The following LRTM3 variants were observed in gnomAD, a reference collection of about 807,000 sequenced individuals.
LRTM3 encodes leucine-rich repeat transmembrane protein 3.
At chr13:102,745,426 A>G in the LRTM3 span, 1 of 1,550,888 alleles carries the variant, frequency 6.4e-7, no homozygotes. Context: ...TCAGGAAAGC[A>G]TATGTTTCAT....
chr13:102,738,105 G>T, the LRTM3 span: 3 of 1,550,624 alleles, frequency 1.9e-6, no homozygotes, highest in Non-Finnish European at 2.6e-6. Flanking sequence ...TGAGCTTCTT[G>T]ATCCATTTTC....
At chr13:102,737,706 C>T in the LRTM3 span, 2 of 1,550,594 alleles carry the variant, frequency 1.3e-6, no homozygotes, top group Non-Finnish European at 1.7e-6. Flanking sequence ...TAATCTTTTG[C>T]TTTTTGTACT....
At chr13:102,733,921 A>G in the LRTM3 span, 40 of 1,551,100 alleles carry the variant, frequency 2.6e-5, no homozygotes, top group Non-Finnish European at 3.4e-5. Flanking sequence ...TTTTCTGGGT[A>G]TTTGAGGGTA....
At chr13:102,745,619 A>C in the LRTM3 span, 2 of 1,550,954 alleles carry the variant, frequency 1.3e-6, no homozygotes, top group Non-Finnish European at 1.7e-6. Flanking sequence ...AAATTGTTTT[A>C]AGTTTCTCGT....
the LRTM3 span, chr13:102,746,223 TTTCC>T: frequency 6.4e-7 from 1 of 1,550,626 alleles, no homozygotes; most frequent in Non-Finnish European, 8.7e-7. Flanking sequence ...TCAAGATGGA[TTTCC>T]TTCATTTGAC....
chr13:102,735,181 C>A, the LRTM3 span: 7 of 1,551,290 alleles, frequency 4.5e-6, no homozygotes, highest in Non-Finnish European at 6.1e-6. Context: ...TGAAACTGTG[C>A]GTATGTAAGA....
the LRTM3 span, among the ~76,000 whole-genome samples, chr13:102,753,400 G>A: frequency 4.4e-3 from 663 of 151,560 alleles, 5 homozygotes; most frequent in South Asian, 0.025. Context: ...CCTAGATGAC[G>A]GGTTGATAGG....
the LRTM3 span, chr13:102,741,979 G>C: frequency 1.3e-6 from 2 of 1,550,438 alleles, no homozygotes; most frequent in African/African-American, 2.7e-5. Flanking sequence ...TTCTAAGAAT[G>C]CTGGACATAT....
chr13:102,744,739 T>A, the LRTM3 span: 4 of 1,550,668 alleles, frequency 2.6e-6, no homozygotes, highest in Non-Finnish European at 3.5e-6. Flanking sequence ...TATTTTTATC[T>A]TCCCTTTCAT....
the LRTM3 span, chr13:102,746,651 A>G: frequency 3.9e-6 from 6 of 1,551,164 alleles, no homozygotes; most frequent in East Asian, 1.2e-4. Context: ...TCTCTTTTTC[A>G]TCACTTTAGA....
the LRTM3 span, chr13:102,747,644 A>G: frequency 1.9e-6 from 3 of 1,550,986 alleles, no homozygotes; most frequent in East Asian, 2.4e-5. Context: ...TGTTGTTTCA[A>G]TTAAAAGTTC....
At chr13:102,755,007 C>T in the LRTM3 span, among the ~76,000 whole-genome samples, 1 of 152,202 alleles carries the variant, frequency 6.6e-6, no homozygotes, top group Non-Finnish European at 1.5e-5. Context: ...CTCACTCAAG[C>T]ATGCATCTAT....
chr13:102,750,292 T>C, the LRTM3 span: 6 of 1,548,712 alleles, frequency 3.9e-6, no homozygotes, highest in Non-Finnish European at 5.2e-6. Flanking sequence ...CTGACCATAG[T>C]ATTTCACGTG....
At chr13:102,741,263 T>C in the LRTM3 span, 1 of 1,550,368 alleles carries the variant, frequency 6.5e-7, no homozygotes, top group Non-Finnish European at 8.7e-7. Context: ...ATTGAAACTT[T>C]CAGAGATGGT....
the LRTM3 span, chr13:102,740,569 A>G: frequency 3.9e-6 from 6 of 1,549,088 alleles, no homozygotes; most frequent in South Asian, 1.2e-5. Context: ...TACTGTTTTG[A>G]GTATATCCAA....
chr13:102,739,624 T>C, the LRTM3 span: 1 of 1,550,482 alleles, frequency 6.4e-7, no homozygotes, highest in Non-Finnish European at 8.7e-7. Flanking sequence ...TTATACTGAG[T>C]ATATGTGACA....
chr13:102,736,396 A>T, the LRTM3 span: 1 of 1,551,054 alleles, frequency 6.4e-7, no homozygotes, highest in Non-Finnish European at 8.7e-7. Context: ...GCATCAGGCC[A>T]TGCATGGATA....
the LRTM3 span, among the ~76,000 whole-genome samples, chr13:102,756,302 C>T: frequency 2.7e-5 from 3 of 112,938 alleles, no homozygotes; most frequent in Middle Eastern, 4.1e-3. Context: ...TTCTTCTAAT[C>T]CTTAGTTCGA....
At chr13:102,733,585 A>G in the LRTM3 span, 3 of 1,551,126 alleles carry the variant, frequency 1.9e-6, no homozygotes, top group South Asian at 3.6e-5. Flanking sequence ...TTTTAGTTGC[A>G]TCCATTGTGG....
Sources: allele counts gnomAD v4.1 joint callset (sites outside exome capture counted in the v4.1 genomes callset), GRCh38; gene constraint gnomAD v4.1.1; transcripts MANE v1.5; gene names NCBI Gene and HGNC (gene_info 2026-07-23, HGNC 2026-07-21).